Variants in LPAR1 observed in about 807,000 individuals in gnomAD.
LPAR1 encodes lysophosphatidic acid receptor 1, also known as LPA receptor 1.
LPAR1 carries 5 observed loss-of-function variants against 23.8 expected under a neutral mutation model. That is an observed-to-expected ratio of 0.21 (90% CI 0.11 to 0.44). LPAR1 has a LOEUF of 0.44. Among genes scored for constraint, LPAR1 ranks in the 20% least tolerant of loss-of-function variants. The pLI is 0.99. For synonymous variants in LPAR1, 160 were observed against 164.7 expected (o/e 0.97, Z 0.22); for missense variants, 311 against 482.8 (o/e 0.64, Z 3.33).
intron 2 of LPAR1, among the ~76,000 whole-genome samples, chr9:110,981,072 G>C (rs1369950770): frequency 6.6e-6 from 1 of 151,962 alleles, no homozygotes; most frequent in East Asian, 1.9e-4. Flanking sequence ...TCTTTTATAA[G>C]GAAACTACCT....
intron 4 of LPAR1, among the ~76,000 whole-genome samples, chr9:110,955,728 A>C (rs1346593491): frequency 6.6e-6 from 1 of 151,296 alleles, no homozygotes; most frequent in Non-Finnish European, 1.5e-5. Flanking sequence ...AAAAAAAAAA[A>C]CACAAATCAA....
intron 2 of LPAR1, among the ~76,000 whole-genome samples, chr9:110,997,348 G>C (rs2097033115): frequency 1.3e-5 from 2 of 152,168 alleles, no homozygotes; most frequent in African/African-American, 4.8e-5. Flanking sequence ...TCAAAACTGA[G>C]TGCAAAATTT....
At chr9:110,961,340 G>A (rs2095973150) in intron 4 of LPAR1, among the ~76,000 whole-genome samples, 4 of 151,710 alleles carry the variant, frequency 2.6e-5, no homozygotes, top group Admixed American at 6.6e-5. Flanking sequence ...GAGGTTTAGG[G>A]CCAGGCACGG....
At chr9:110,933,068 A>G (rs1222390547) in intron 5 of LPAR1, among the ~76,000 whole-genome samples, 1 of 152,222 alleles carries the variant, frequency 6.6e-6, no homozygotes, top group African/African-American at 2.4e-5. Flanking sequence ...CAGAACTATT[A>G]GCATTTCCTG....
intron 5 of LPAR1, chr9:110,934,370 T>C (rs12380171): frequency 0.12 from 17,591 of 152,078 alleles, 1,343 homozygotes; most frequent in Admixed American, 0.21. Flanking sequence ...TAATGGGGGA[T>C]AGTGCATCTA....
chr9:110,886,364 C>CA (rs3030132), intron 5 of LPAR1, among the ~76,000 whole-genome samples: 92,048 of 112,770 alleles, frequency 0.82, 37,891 homozygotes, highest in African/African-American at 0.93. Context: ...AACTCCATCT[C>CA]AAAAAAAAAA....
intron 5 of LPAR1, among the ~76,000 whole-genome samples, chr9:110,879,965 T>G (rs111545345): frequency 2.6e-5 from 4 of 152,266 alleles, no homozygotes; most frequent in African/African-American, 9.6e-5. Flanking sequence ...AGACAGCTGA[T>G]GAGCTGGGTT....
intron 5 of LPAR1, among the ~76,000 whole-genome samples, chr9:110,920,162 G>A (rs1443702856): frequency 6.6e-6 from 1 of 152,152 alleles, no homozygotes; most frequent in Non-Finnish European, 1.5e-5. Flanking sequence ...GTATTTCCAT[G>A]CCATTGTGCC....
intron 4 of LPAR1, among the ~76,000 whole-genome samples, chr9:110,942,773 C>T (rs545964751): frequency 2.6e-5 from 4 of 152,278 alleles, no homozygotes; most frequent in Admixed American, 6.5e-5. Flanking sequence ...TGCCTACCCC[C>T]ACAACTCCTT....
intron 5 of LPAR1, among the ~76,000 whole-genome samples, chr9:110,907,620 C>G (rs79376636): frequency 0.029 from 4,366 of 152,190 alleles, 210 homozygotes; most frequent in African/African-American, 0.097. Flanking sequence ...GTCTGGACAA[C>G]AGGAAAATCT....
intron 2 of LPAR1, among the ~76,000 whole-genome samples, chr9:110,989,272 A>C (rs918824461): frequency 6.6e-6 from 1 of 152,182 alleles, no homozygotes; most frequent in Non-Finnish European, 1.5e-5. Context: ...GGCTGGCCTT[A>C]AACTCCTGTG....
upstream of LPAR1, chr9:111,038,515 G>T (rs2097944220): frequency 2.3e-6 from 1 of 437,210 alleles, no homozygotes; most frequent in East Asian, 8.1e-5. This position sits in a 1 kb window ranked among gnomAD's most constrained non-coding sequence, Gnocchi z 4.4. Context: ...GCAGAGGGAG[G>T]GCCAGAGGAG....
At position 110,963,114 on chromosome 9, in the gene LPAR1, T is replaced by C. The variant is rs117653468; in HGVS notation, c.45+8959A>G. On this transcript the variant is annotated intron_variant, in intron 4 of 5. Transcript: ENST00000683809. Reference sequence around the variant, plus strand: ...GATAAAGGAGTAGCTCCATTAACCATTGAAGACTAAACCAATTAAAAAGGA... The same window carrying C: ...GATAAAGGAGTAGCTCCATTAACCACTGAAGACTAAACCAATTAAAAAGGA... Among the ~76,000 whole-genome samples, 724 of 152,278 alleles carry C rather than the reference T, an allele frequency of 4.8e-3. 12 individuals are homozygous for C. Among genetic ancestry groups the C allele is most frequent in the East Asian group, 0.024 (124 of 5,178 alleles).
intron 4 of LPAR1, among the ~76,000 whole-genome samples, chr9:110,953,545 C>A (rs1564151605): frequency 6.6e-6 from 1 of 152,102 alleles, no homozygotes; most frequent in African/African-American, 2.4e-5. Flanking sequence ...TGCCTGTAAT[C>A]CCAACTACTT....
Position 110,875,602 on chromosome 9 carries a change from G to A in LPAR1, c.914C>T (p.Ala305Val), listed in dbSNP as rs200850518. The change falls in exon 6 of 6, where the codon GCC (alanine) becomes GTC (valine). Residue 305 changes from alanine to valine, a missense_variant. Around this residue, in one of 2 missense-constraint regions of LPAR1, gnomAD observed 250 missense variants for 427.2 expected, o/e 0.59. Transcript: ENST00000683809. Reference sequence around the variant, plus strand: ...GTAGGAGTAAATGATGGGGTTCATGGCAGAGTTGAATTCAGCAAGGAGAAG... The same window carrying A: ...GTAGGAGTAAATGATGGGGTTCATGACAGAGTTGAATTCAGCAAGGAGAAG... Reference protein sequence around the residue: ...FFLLLAEFNSAMNPIIYSYRD... With the variant: ...FFLLLAEFNSVMNPIIYSYRD... 27 of 1,614,056 alleles carry A rather than the reference G, an allele frequency of 1.7e-5. No individual in the cohort carries two copies. The highest frequency in any genetic ancestry group is 2.3e-5 in the Non-Finnish European group (27 of 1,179,946).
chr9:110,957,422 A>G (rs2095801303), intron 4 of LPAR1, among the ~76,000 whole-genome samples: 1 of 152,116 alleles, frequency 6.6e-6, no homozygotes, highest in South Asian at 2.1e-4. Flanking sequence ...CATGGATGCA[A>G]TGATGGTTCA....
At chr9:111,004,938 A>G (rs1447388465) in intron 2 of LPAR1, among the ~76,000 whole-genome samples, 1 of 152,052 alleles carries the variant, frequency 6.6e-6, no homozygotes, top group African/African-American at 2.4e-5. Context: ...AAGTGGGAGG[A>G]TCACTTGAGC....
At chr9:110,951,749 A>C (rs761105455) in intron 4 of LPAR1, among the ~76,000 whole-genome samples, 5 of 152,056 alleles carry the variant, frequency 3.3e-5, no homozygotes, top group Admixed American at 6.5e-5. Context: ...ACACTAGATC[A>C]AAAGATTCTA....
chr9:110,880,140 G>A (rs962047126), intron 5 of LPAR1, among the ~76,000 whole-genome samples: 1 of 152,138 alleles, frequency 6.6e-6, no homozygotes, highest in Non-Finnish European at 1.5e-5. Flanking sequence ...AGTAACATGG[G>A]GTGGAGGATA....
Sources: allele counts gnomAD v4.1 joint callset (sites outside exome capture counted in the v4.1 genomes callset), GRCh38; gene constraint gnomAD v4.1.1; regional missense constraint gnomAD v4.1.1; non-coding constraint Gnocchi (gnomAD v3.1); transcripts MANE v1.5; gene names NCBI Gene and HGNC (gene_info 2026-07-23, HGNC 2026-07-21).